Variants in SELENOI observed in about 807,000 individuals in gnomAD.
SELENOI encodes selenoprotein I, also known as ethanolaminephosphotransferase 1.
Under a neutral mutation model 50.7 loss-of-function variants are expected in SELENOI, and 24 were observed. The ratio of observed to expected loss-of-function variants is 0.47; its 90% CI spans 0.34 to 0.67. SELENOI has a LOEUF of 0.67. Ranked by LOEUF, SELENOI falls within the 30% of genes least tolerant of loss-of-function variation. The pLI, the probability that SELENOI is intolerant of heterozygous loss-of-function variation, is 0.01. For missense variants in SELENOI, 352 were observed against 461.4 expected, an observed-to-expected ratio of 0.76 and a Z score of 2.17; for synonymous variants, 155 against 170.2, an observed-to-expected ratio of 0.91 and a Z score of 0.70.
At chr2:26,355,331 A>C (rs1677042282) in intron 1 of SELENOI, among the ~76,000 whole-genome samples, 2 of 152,268 alleles carry the variant, frequency 1.3e-5, no homozygotes, top group Admixed American at 1.3e-4. Flanking sequence ...TGGGTCCCCC[A>C]GATAGTCTTT....
In SELENOI at chr2:26,346,239, G is replaced by A. The variant is rs1482022006; in HGVS notation, c.7G>A (p.Gly3Ser). ...GCTCAGTTTTCGGGTCGTCATGGCTGGCTACGAATACGTGAGCCCGGAGCA... is the reference window on the plus strand; with the variant it reads ...GCTCAGTTTTCGGGTCGTCATGGCTAGCTACGAATACGTGAGCCCGGAGCA... Reference protein sequence around the residue: MAGYEYVSPEQLA... With the variant: MASYEYVSPEQLA... Residue 3 changes from glycine to serine, a missense_variant, in exon 1 of 10, where the codon GGC (glycine) becomes AGC (serine). Transcript: ENST00000260585. 6.2e-7 allele frequency: 1 copy of A among 1,613,648 alleles called. No individual in the cohort carries two copies. Among genetic ancestry groups the A allele is most frequent in the East Asian group, 2.2e-5 (1 of 44,866 alleles).
intron 4 of SELENOI, among the ~76,000 whole-genome samples, chr2:26,370,658 G>C (rs1397023254): frequency 9.0e-6 from 1 of 111,510 alleles, no homozygotes; most frequent in Non-Finnish European, 1.9e-5. Context: ...TGGCCGGGCA[G>C]AGGGGCTCCT....
Position 26,389,667 on chromosome 2 carries a change from T to C in SELENOI, c.*564T>C, listed in dbSNP as rs1167027733. On this transcript the variant is annotated 3_prime_UTR_variant, in exon 10 of 10. Transcript: ENST00000260585. ...CTCAAATGATAAGAGAGCTAATACA[T>C]TTAGCTAATATTCTAGCTCTCTTTA... 1 of 153,196 alleles carries C rather than the reference T, an allele frequency of 6.5e-6. No homozygotes were observed. The highest frequency in any genetic ancestry group is 2.4e-5 in the African/African-American group (1 of 41,454). The allele number at this position is 153,196 out of a possible 1,614,324, so 9.5% of individuals were successfully genotyped here.
intron 2 of SELENOI, 139 bp downstream of exon 2, chr2:26,364,509 A>C: frequency 1.6e-6 from 1 of 616,760 alleles, no homozygotes; most frequent in Non-Finnish European, 2.8e-6. Context: ...ACAATACCCC[A>C]AATCACATAC....
At chr2:26,387,083 A>T (rs546569440) in intron 9 of SELENOI, among the ~76,000 whole-genome samples, 1 of 152,330 alleles carries the variant, frequency 6.6e-6, no homozygotes, top group South Asian at 2.1e-4. Context: ...TACTTCATTT[A>T]TGTTATTCTC....
At chr2:26,352,052 A>AT in intron 1 of SELENOI, among the ~76,000 whole-genome samples, 1 of 152,044 alleles carries the variant, frequency 6.6e-6, no homozygotes, top group East Asian at 1.9e-4. Context: ...AGGTGGGAGG[A>AT]TTGCTGAAGC....
rs1677912869 is a variant in SELENOI, at chr2:26,389,303, ATG to A, written c.*203_*204del. On this transcript the variant is annotated 3_prime_UTR_variant, in exon 10 of 10. Transcript: ENST00000260585. Reference sequence around the variant, plus strand: ...AGCCTATTTTATTTTTTATAAAACTATGTGACATTTTGGTTGAGCAGAATGTA... The same window carrying A: ...AGCCTATTTTATTTTTTATAAAACTATGACATTTTGGTTGAGCAGAATGTA... 23 of 496,048 alleles carry A rather than the reference ATG, an allele frequency of 4.6e-5. No homozygotes were observed. In the Middle Eastern group the frequency reaches 1.9e-3, roughly 42 times the overall value. 30.7% of individuals were successfully genotyped at this position (496,048 alleles called of 1,614,324 possible).
intron 6 of SELENOI, among the ~76,000 whole-genome samples, chr2:26,382,061 T>A (rs1677717640): frequency 6.6e-6 from 1 of 152,128 alleles, no homozygotes; most frequent in Non-Finnish European, 1.5e-5. Flanking sequence ...TCACTATAGA[T>A]CATAGGATCA....
chr2:26,370,285 G>A (rs1388911382), intron 4 of SELENOI, among the ~76,000 whole-genome samples: 3 of 151,842 alleles, frequency 2.0e-5, no homozygotes, highest in Non-Finnish European at 1.5e-5. Flanking sequence ...GCAACCATCC[G>A]ATTTCTCAAT....
chr2:26,389,920 T>C lies in SELENOI; in HGVS notation c.*817T>C, dbSNP rs973178986. On this transcript the variant is annotated 3_prime_UTR_variant, in exon 10 of 10. Coordinates refer to ENST00000260585, the MANE Select transcript of SELENOI (RefSeq NM_033505.4). The stretch of plus-strand genomic sequence containing the variant: ...TCCTATGGTAATGACTTAGGAGGAA[T>C]GCAGATAAAAGTACCTTGTAAGATA... 5.3e-5 allele frequency: 8 copies of C among 152,030 alleles called. No individual in the cohort carries two copies. Among genetic ancestry groups the C allele is most frequent in the Admixed American group, 5.3e-4 (8 of 15,208 alleles). The allele number at this position is 152,030 out of a possible 1,614,324, so 9.4% of individuals were successfully genotyped here. A position where few individuals can be genotyped will look rare whatever the true frequency, so the allele number is the denominator to read the frequency against.
chr2:26,383,462 A>G, intron 7 of SELENOI, 115 bp downstream of exon 7: 2 of 714,588 alleles, frequency 2.8e-6, no homozygotes, highest in Non-Finnish European at 4.6e-6. Context: ...AGGTCACAAA[A>G]CCTATATTTT....
In SELENOI at chr2:26,390,578, T is replaced by A. The variant is rs1310138765; in HGVS notation, c.*1475T>A. On this transcript the variant is annotated 3_prime_UTR_variant, in exon 10 of 10. Coordinates refer to ENST00000260585, the MANE Select transcript of SELENOI (RefSeq NM_033505.4). ...ATAACTGTAATTGATATTTCATTTT[T>A]AAAATTTATAAATTCCAATCATTGT... The A allele has an allele frequency of 6.6e-6, 1 of 152,636 alleles. No homozygotes were observed. Among genetic ancestry groups the A allele is most frequent in the African/African-American group, 2.4e-5 (1 of 41,472 alleles). 9.5% of individuals were successfully genotyped at this position (152,636 alleles called of 1,614,324 possible).
chr2:26,387,496 C>T (rs560195174), intron 9 of SELENOI, among the ~76,000 whole-genome samples: 4 of 151,458 alleles, frequency 2.6e-5, no homozygotes, highest in Admixed American at 6.6e-5. Context: ...TTCGAGACCA[C>T]CCTGGGTAAC....
chr2:26,384,840 C>T, intron 7 of SELENOI, 119 bp from the exon 8 acceptor site: 1 of 657,028 alleles, frequency 1.5e-6, no homozygotes, highest in South Asian at 3.2e-5. Flanking sequence ...CTGTCTATGC[C>T]ACAAGATTAT....
intron 1 of SELENOI, among the ~76,000 whole-genome samples, chr2:26,350,960 C>T (rs1676944338): frequency 6.6e-6 from 1 of 152,056 alleles, no homozygotes; most frequent in Admixed American, 6.5e-5. Flanking sequence ...GCCTAGCCTA[C>T]CTTAAATGTG....
At chr2:26,371,325 T>C (rs1214031353) in intron 4 of SELENOI, among the ~76,000 whole-genome samples, 1 of 150,390 alleles carries the variant, frequency 6.6e-6, no homozygotes, top group Non-Finnish European at 1.5e-5. Context: ...GAGGCGCTCC[T>C]CACATCCCAG....
In SELENOI at chr2:26,391,340, T is replaced by C. The variant is rs1677964256; in HGVS notation, c.*2237T>C. Reference sequence around the variant, plus strand: ...GATCTTTAGTGTACTGCTGACTCTTTTTCTTGTTTTGTCTGCCATTCTTGA... The same window carrying C: ...GATCTTTAGTGTACTGCTGACTCTTCTTCTTGTTTTGTCTGCCATTCTTGA... On this transcript the variant is annotated 3_prime_UTR_variant, in exon 10 of 10. Transcript: ENST00000260585. 1 of 152,176 alleles carries C rather than the reference T, an allele frequency of 6.6e-6. No homozygotes were observed. The highest frequency in any genetic ancestry group is 2.4e-5 in the African/African-American group (1 of 41,430). 9.4% of individuals were successfully genotyped at this position (152,176 alleles called of 1,614,324 possible).
At chr2:26,350,474 C>T (rs1676932847) in intron 1 of SELENOI, among the ~76,000 whole-genome samples, 2 of 152,052 alleles carry the variant, frequency 1.3e-5, no homozygotes, top group Admixed American at 1.3e-4. Flanking sequence ...CTCCCTTGGC[C>T]TCACAAAGTG....
rs1007771446 is a variant in SELENOI at position 26,394,359 on chromosome 2, C to T, written c.*5256C>T. ...AGTGAGCAGAGATTGTGCCACTGCA[C>T]TCCAGCCAGAGTGACAGAGCAAGAC... On this transcript the variant is annotated 3_prime_UTR_variant, in exon 10 of 10. Coordinates refer to ENST00000260585, the MANE Select transcript of SELENOI (RefSeq NM_033505.4). This position sits in a 1 kb window ranked among gnomAD's most constrained non-coding sequence, Gnocchi z 4.1. 3.9e-5 allele frequency: 6 copies of T among 152,178 alleles called. No homozygotes were observed. The highest frequency in any genetic ancestry group is 1.4e-4 in the African/African-American group (6 of 41,438). 9.4% of individuals were successfully genotyped at this position (152,178 alleles called of 1,614,324 possible).
Sources: gnomAD v4.1 joint callset for allele counts (sites outside exome capture counted in the v4.1 genomes callset) on GRCh38, gnomAD v4.1.1 for gene constraint, Gnocchi (gnomAD v3.1) non-coding constraint, MANE v1.5 for transcripts, NCBI Gene and HGNC (gene_info 2026-07-23, HGNC 2026-07-21) for gene names.